The following CASK variants were observed in gnomAD, a reference collection of about 807,000 sequenced individuals.
The protein encoded by CASK is peripheral plasma membrane protein CASK.
In CASK, 4 loss-of-function variants were observed where a neutral mutation model predicts 82.9. The observed-to-expected ratio is 0.05, with a 90% CI of 0.02 to 0.11. CASK has a LOEUF of 0.11. Ranked by LOEUF, CASK falls within the 10% of genes least tolerant of loss-of-function variation. The pLI, the probability that CASK is intolerant of heterozygous loss-of-function variation, is 1.00. For missense variants in CASK, 358 were observed against 720.9 expected, an observed-to-expected ratio of 0.50 and a Z score of 5.76; for synonymous variants, 259 against 253.5, an observed-to-expected ratio of 1.02 and a Z score of -0.20.
intron 2 of CASK, among the ~76,000 whole-genome samples, chrX:41,813,269 A>G (rs2070339439): frequency 8.9e-6 from 1 of 111,758 alleles, no homozygotes; most frequent in South Asian, 3.8e-4. Context: ...ACCAAAAAAG[A>G]GCCCGTATTG....
chrX:41,897,009 G>GT (rs1006109899), intron 1 of CASK, among the ~76,000 whole-genome samples: 2 of 111,586 alleles, frequency 1.8e-5, no homozygotes, highest in Non-Finnish European at 1.9e-5. Context: ...GTTTTAACAG[G>GT]TTTTTTTGGT....
At chrX:41,564,577 C>G (rs2147164463) in intron 16 of CASK, among the ~76,000 whole-genome samples, 1 of 111,528 alleles carries the variant, frequency 9.0e-6, no homozygotes, top group Non-Finnish European at 1.9e-5. Flanking sequence ...TACTATACCA[C>G]TCCTTGAAAG....
At position 41,579,880 on chromosome X, in the gene CASK, G is replaced by C. The variant is rs1183564885; in HGVS notation, c.1315-1352C>G. Among the ~76,000 whole-genome samples the C allele has an allele frequency of 6.3e-5, 7 of 111,894 alleles. No individual in the cohort carries two copies. In the Admixed American group the frequency reaches 6.7e-4, roughly 11 times the overall value. On this transcript the variant is annotated intron_variant, in intron 14 of 26. Coordinates refer to ENST00000378163, the MANE Select transcript of CASK (RefSeq NM_001367721.1). ...ATCATAAAGAAGATAATGCTGATTTGTTACCAGTAAAGAATATGCTTTGAG... is the reference window on the plus strand; with the variant it reads ...ATCATAAAGAAGATAATGCTGATTTCTTACCAGTAAAGAATATGCTTTGAG...
In CASK at chrX:41,557,044, G is replaced by A. The variant is rs143991107; in HGVS notation, c.1794C>T (p.Asn598=). ...QSPANGHSST[N]NSVSDLPSTT... ...CTAAAGTTCTTACCGAAACAGAATT[G>A]TTAGTGCTGCTATGACCATTAGCTG... is the stretch of plus-strand genomic sequence containing the variant. Residue 598 remains asparagine, a synonymous_variant, in exon 19 of 27, where the codon AAC becomes AAT. Transcript: ENST00000378163. 6.0e-4 allele frequency: 726 copies of A among 1,206,876 alleles called. 2 individuals carry two copies. The highest frequency in any genetic ancestry group is 3.0e-4 in the Non-Finnish European group (268 of 892,325).
intron 3 of CASK, among the ~76,000 whole-genome samples, chrX:41,779,963 A>T (rs1388340013): frequency 1.8e-5 from 2 of 112,067 alleles, no homozygotes; most frequent in Admixed American, 9.5e-5. Context: ...AAAAGGTAAA[A>T]ATATTAAAGA....
At chrX:41,725,276 A>G (rs2068239630) in intron 5 of CASK, among the ~76,000 whole-genome samples, 1 of 112,055 alleles carries the variant, frequency 8.9e-6, no homozygotes, top group South Asian at 3.6e-4. Flanking sequence ...GTTATTATAA[A>G]ATTATAATAT....
At chrX:41,689,078 C>T (rs191696870) in intron 5 of CASK, 1 of 111,764 alleles carries the variant, frequency 8.9e-6, no homozygotes, top group East Asian at 2.8e-4. Flanking sequence ...TCAGGCGAAC[C>T]TGAACTGTGA....
intron 11 of CASK, among the ~76,000 whole-genome samples, chrX:41,617,976 G>A (rs1011079250): frequency 8.9e-6 from 1 of 112,100 alleles, no homozygotes; most frequent in African/African-American, 3.2e-5. Context: ...GTTCACCTCA[G>A]AGGGCAGTTG....
intron 5 of CASK, among the ~76,000 whole-genome samples, chrX:41,699,173 C>A (rs1053422465): frequency 9.0e-6 from 1 of 111,500 alleles, no homozygotes; most frequent in African/African-American, 3.3e-5. Context: ...GATCCACCCA[C>A]CTTGGCCTCC....
chrX:41,565,506 G>C (rs986689261), intron 16 of CASK, among the ~76,000 whole-genome samples: 1 of 111,488 alleles, frequency 9.0e-6, no homozygotes, highest in Non-Finnish European at 1.9e-5. Context: ...TGAATTCCTG[G>C]ACACCTACAT....
intron 13 of CASK, chrX:41,587,263 T>C: frequency 4.8e-6 from 1 of 209,345 alleles, no homozygotes. Flanking sequence ...ATATATTTAT[T>C]ACAGATTTAT....
chrX:41,604,686 T>C (rs2065935735), intron 12 of CASK, among the ~76,000 whole-genome samples: 1 of 111,815 alleles, frequency 8.9e-6, no homozygotes, highest in African/African-American at 3.3e-5. Context: ...AATTGATCTA[T>C]ACATTTCATA....
intron 5 of CASK, chrX:41,696,784 A>G (rs771287736): frequency 1.3e-5 from 14 of 1,088,555 alleles, no homozygotes; most frequent in Non-Finnish European, 1.4e-5. Context: ...ACTTGAGGTA[A>G]ACATACTAAA....
chrX:41,886,367 C>T (rs1195408), intron 1 of CASK, among the ~76,000 whole-genome samples: 3 of 110,951 alleles, frequency 2.7e-5, no homozygotes, highest in East Asian at 5.6e-4. Context: ...CCCCTCGGAA[C>T]GTCTAGAATG....
chrX:41,607,855 G>A (rs928315481), intron 12 of CASK, among the ~76,000 whole-genome samples: 17 of 112,097 alleles, frequency 1.5e-4, no homozygotes, highest in African/African-American at 5.2e-4. Context: ...GTCTCTGAAT[G>A]ACGGTGTGGA....
chrX:41,708,198 C>CTA (rs1251861565), intron 5 of CASK, among the ~76,000 whole-genome samples: 2 of 110,142 alleles, frequency 1.8e-5, no homozygotes, highest in East Asian at 5.7e-4. Flanking sequence ...GAGGAAGTGA[C>CTA]TATAGTCGAG....
chrX:41,862,648 G>C (rs1406789020), intron 1 of CASK, among the ~76,000 whole-genome samples: 1 of 110,651 alleles, frequency 9.0e-6, no homozygotes, highest in East Asian at 2.8e-4. Flanking sequence ...AAGGAAAAGG[G>C]GACCAAAGAT....
At chrX:41,857,293 AG>A (rs1354846216) in intron 1 of CASK, among the ~76,000 whole-genome samples, 2 of 111,016 alleles carry the variant, frequency 1.8e-5, no homozygotes, top group African/African-American at 6.6e-5. Flanking sequence ...CACCCCCTGC[AG>A]CTTTAACCAC....
intron 5 of CASK, among the ~76,000 whole-genome samples, chrX:41,705,629 AC>A (rs746194598): frequency 3.6e-5 from 4 of 111,712 alleles, no homozygotes; most frequent in Non-Finnish European, 7.5e-5. Context: ...CAAACAGGTC[AC>A]CATATTGCAT....
Sources: gnomAD v4.1 joint callset for allele counts (sites outside exome capture counted in the v4.1 genomes callset) on GRCh38, gnomAD v4.1.1 for gene constraint, MANE v1.5 for transcripts, NCBI Gene and HGNC (gene_info 2026-07-23, HGNC 2026-07-21) for gene names.